ZNF674: variants seen among roughly 807,000 people sequenced by gnomAD.
The protein encoded by ZNF674 is zinc finger family member 674.
In ZNF674, 2 loss-of-function variants were observed where a neutral mutation model predicts 7.0. The observed-to-expected ratio is 0.29, with a 90% CI of 0.12 to 0.90. ZNF674 has a LOEUF of 0.90. ZNF674 is among the 40% of genes least tolerant of loss of function. The pLI is 0.57. For missense variants in ZNF674, 297 were observed against 415.5 expected (o/e 0.71, Z 2.48); for synonymous variants, 103 against 145.2 (o/e 0.71, Z 2.09).
chrX:46,517,411 G>GA (rs1007921214), intron 5 of ZNF674, among the ~76,000 whole-genome samples: 8 of 110,784 alleles, frequency 7.2e-5, no homozygotes, highest in African/African-American at 2.6e-4. Flanking sequence ...GACTACTGTA[G>GA]AAAAAAAATT....
intron 5 of ZNF674, among the ~76,000 whole-genome samples, chrX:46,503,538 A>G (rs2146588952): frequency 8.9e-6 from 1 of 112,389 alleles, no homozygotes; most frequent in South Asian, 3.7e-4. Flanking sequence ...CCTATTAGTT[A>G]AATGCCAACC....
intron 5 of ZNF674, among the ~76,000 whole-genome samples, chrX:46,514,999 T>G (rs1354788313): frequency 1.8e-5 from 2 of 111,656 alleles, no homozygotes; most frequent in African/African-American, 3.3e-5. Context: ...CCTCAGAAAT[T>G]GAAAGGATAA....
rs762482478 is a variant in ZNF674 at position 46,511,063 on chromosome X, C to T, written c.239-9728G>A. ...CAATGCATTTGTGGCACATGGCAAG[C>T]ATTCAAATGCTGCTTATTATTTTAT... is the stretch of plus-strand genomic sequence containing the variant. On this transcript the variant is annotated intron_variant, in intron 5 of 5. Coordinates refer to ENST00000683375, the MANE Select transcript of ZNF674 (RefSeq NM_001190417.2). Among the ~76,000 whole-genome samples the T allele has an allele frequency of 7.1e-4, 79 of 111,855 alleles. 1 individual carries two copies. The highest frequency in any genetic ancestry group is 2.4e-3 in the African/African-American group (75 of 30,841).
intron 5 of ZNF674, among the ~76,000 whole-genome samples, chrX:46,513,323 TCTAA>T (rs1282456401): frequency 9.1e-6 from 1 of 110,284 alleles, no homozygotes; most frequent in Non-Finnish European, 1.9e-5. Flanking sequence ...GAAGAGGAAA[TCTAA>T]CTAGTCAATA....
chrX:46,540,104 C>T (rs1442664118), intron 3 of ZNF674, among the ~76,000 whole-genome samples: 1 of 111,072 alleles, frequency 9.0e-6, no homozygotes, highest in Admixed American at 9.6e-5. Flanking sequence ...ATTAGCCGGG[C>T]GTGGTTGCAG....
At chrX:46,505,050 T>C (rs1941506710) in intron 5 of ZNF674, among the ~76,000 whole-genome samples, 1 of 109,975 alleles carries the variant, frequency 9.1e-6, no homozygotes, top group Non-Finnish European at 1.9e-5. Flanking sequence ...CCACCACACC[T>C]GGCTAATTTT....
rs1275716153 is a variant in ZNF674, at chrX:46,533,686, C to G, written c.16-4777G>C. On this transcript the variant is annotated intron_variant, in intron 3 of 5. Coordinates refer to ENST00000683375, the MANE Select transcript of ZNF674 (RefSeq NM_001190417.2). ...CTGAGGCAGGAGAATCACCTATAATCCCAGCTACTCAGGAGGCTGAGGCAG... is the reference window on the plus strand; with the variant it reads ...CTGAGGCAGGAGAATCACCTATAATGCCAGCTACTCAGGAGGCTGAGGCAG... Among the ~76,000 whole-genome samples, 124 of 105,202 alleles carry G rather than the reference C, an allele frequency of 1.2e-3. 1 individual carries two copies. The highest frequency in any genetic ancestry group is 4.2e-3 in the African/African-American group (120 of 28,733). The allele number at this position is 105,202 out of a possible 115,157, so 91.4% of individuals were successfully genotyped here. A position where few individuals can be genotyped will look rare whatever the true frequency, so the allele number is the denominator to read the frequency against.
intron 3 of ZNF674, among the ~76,000 whole-genome samples, chrX:46,533,829 A>AAATAT (rs1415090691): frequency 1.8e-3 from 115 of 65,499 alleles, no homozygotes; most frequent in Non-Finnish European, 2.5e-3. Flanking sequence ...AAAAAAAAAA[A>AAATAT]ATATATATAT....
At chrX:46,513,052 C>T in intron 5 of ZNF674, among the ~76,000 whole-genome samples, 1 of 110,873 alleles carries the variant, frequency 9.0e-6, no homozygotes, top group African/African-American at 3.3e-5. Flanking sequence ...ATCACGAGGT[C>T]AAGAGATCGA....
Position 46,500,668 on chromosome X carries a change from T to C in ZNF674, c.906A>G (p.Pro302=). Residue 302 remains proline, a synonymous_variant, in exon 6 of 6, where the codon CCA becomes CCG. Coordinates refer to ENST00000683375, the MANE Select transcript of ZNF674 (RefSeq NM_001190417.2). ...KHQRTHTGEK[P]FVCDKCPKAF... ...CTTTTGGACATTTGTCACATACAAA[T>C]GGTTTCTCTCCTGTATGAGTTCGTT... 8.3e-6 allele frequency: 10 copies of C among 1,210,721 alleles called. No individual in the cohort carries two copies. The highest frequency in any genetic ancestry group is 1.1e-5 in the Non-Finnish European group (10 of 894,990).
At chrX:46,540,375 A>G (rs1369892968) in intron 3 of ZNF674, among the ~76,000 whole-genome samples, 1 of 112,545 alleles carries the variant, frequency 8.9e-6, no homozygotes, top group Non-Finnish European at 1.9e-5. Context: ...CAAAACTTTC[A>G]TTTGAATTTT....
intron 5 of ZNF674, among the ~76,000 whole-genome samples, chrX:46,502,008 G>A (rs1941440836): frequency 9.1e-6 from 1 of 109,979 alleles, no homozygotes; most frequent in South Asian, 3.8e-4. Context: ...GGAGTTCACA[G>A]TAGAAAATTT....
rs1234126285 is a variant in ZNF674 at position 46,498,658 on chromosome X, G to C, written c.*1185C>G. The C allele has an allele frequency of 9.2e-6, 1 of 108,358 alleles. No homozygotes were observed. The highest frequency in any genetic ancestry group is 3.4e-5 in the African/African-American group (1 of 29,714). 8.9% of individuals were successfully genotyped at this position (108,358 alleles called of 1,213,427 possible). On this transcript the variant is annotated 3_prime_UTR_variant, in exon 6 of 6. Transcript: ENST00000683375. ...CCAGCACTTTGGGAGGCTGAGGCGGGCGGATTACCTGAGGTCAGGAGTTCG... is the reference window on the plus strand; with the variant it reads ...CCAGCACTTTGGGAGGCTGAGGCGGCCGGATTACCTGAGGTCAGGAGTTCG...
chrX:46,507,804 A>C (rs1941569315), intron 5 of ZNF674, among the ~76,000 whole-genome samples: 1 of 112,038 alleles, frequency 8.9e-6, no homozygotes, highest in Non-Finnish European at 1.9e-5. Context: ...GAAACATTTC[A>C]AATAAGTTTT....
At chrX:46,536,996 T>A (rs1176907995) in intron 3 of ZNF674, among the ~76,000 whole-genome samples, 1 of 111,046 alleles carries the variant, frequency 9.0e-6, no homozygotes, top group African/African-American at 3.3e-5. Context: ...ACAGGACGGG[T>A]GTGGTGGCTC....
At chrX:46,539,619 T>C (rs759163833) in intron 3 of ZNF674, among the ~76,000 whole-genome samples, 5 of 112,720 alleles carry the variant, frequency 4.4e-5, no homozygotes, top group East Asian at 2.8e-4. Context: ...GTTTTAAACA[T>C]TGGATAATTC....
chrX:46,503,779 T>C (rs372309030), intron 5 of ZNF674, among the ~76,000 whole-genome samples: 1 of 112,252 alleles, frequency 8.9e-6, no homozygotes, highest in Admixed American at 9.5e-5. Flanking sequence ...TAAATATACA[T>C]GGCAAATTGA....
intron 3 of ZNF674, among the ~76,000 whole-genome samples, chrX:46,541,480 G>A (rs2146621066): frequency 9.0e-6 from 1 of 111,622 alleles, no homozygotes; most frequent in African/African-American, 3.3e-5. Flanking sequence ...ATATTGACAA[G>A]GAACACCACC....
At chrX:46,528,138 T>C in intron 5 of ZNF674, 2 of 477,263 alleles carry the variant, frequency 4.2e-6, no homozygotes, top group Non-Finnish European at 7.4e-6. Flanking sequence ...GGCCACAATC[T>C]ATGTGAATGC....
Sources: gnomAD v4.1 joint callset for allele counts (sites outside exome capture counted in the v4.1 genomes callset) on GRCh38, gnomAD v4.1.1 for gene constraint, MANE v1.5 for transcripts, NCBI Gene and HGNC (gene_info 2026-07-23, HGNC 2026-07-21) for gene names.